SIDT1: variants seen among roughly 807,000 people sequenced by gnomAD.
SIDT1 encodes SID1 transmembrane family member 1, also known as SID1 transmembrane family, member 1.
Under a neutral mutation model 107.5 loss-of-function variants are expected in SIDT1, and 101 were observed. The ratio of observed to expected loss-of-function variants is 0.94; its 90% CI spans 0.80 to 1.11. The LOEUF is 1.11. Among genes scored for constraint, SIDT1 ranks in the 50% least tolerant of loss-of-function variants. The pLI, the probability that SIDT1 is intolerant of heterozygous loss-of-function variation, is 0.00. For synonymous variants in SIDT1, 395 were observed against 398.2 expected, an observed-to-expected ratio of 0.99 and a Z score of 0.10; for missense variants, 1,076 against 1,058.2, an observed-to-expected ratio of 1.02 and a Z score of -0.23.
intron 19 of SIDT1, among the ~76,000 whole-genome samples, chr3:113,614,140 C>T (rs1004710825): frequency 2.6e-5 from 4 of 152,158 alleles, no homozygotes; most frequent in African/African-American, 7.2e-5. Flanking sequence ...GAACAGTGAC[C>T]TTTCATGGAC....
Position 113,585,279 on chromosome 3 carries a change from A to G in SIDT1, c.1001+9A>G, listed in dbSNP as rs762461673. On this transcript the variant is annotated intron_variant, in intron 9 of 24. Transcript: ENST00000264852. ...TTTGTTCATTATCTGAGGTAGGTCAATCTTTTCTAGAAATGTTAATTCCCT... is the reference window on the plus strand; with the variant it reads ...TTTGTTCATTATCTGAGGTAGGTCAGTCTTTTCTAGAAATGTTAATTCCCT... 14 of 1,585,450 alleles carry G rather than the reference A, an allele frequency of 8.8e-6. No homozygotes were observed. The highest frequency in any genetic ancestry group is 2.2e-5 in the East Asian group (1 of 44,724).
At chr3:113,597,080 T>A (rs1391877723) in intron 10 of SIDT1, among the ~76,000 whole-genome samples, 1 of 152,226 alleles carries the variant, frequency 6.6e-6, no homozygotes, top group Admixed American at 6.5e-5. Context: ...CTTGTCCAGC[T>A]TTTTCTTCTA....
chr3:113,604,064 C>T, intron 13 of SIDT1, 31 bp downstream of exon 13: 1 of 1,450,594 alleles, frequency 6.9e-7, no homozygotes, highest in South Asian at 1.2e-5. Flanking sequence ...ACCATGGTTC[C>T]CTTAAATAAA....
At chr3:113,588,923 C>T (rs904526628) in intron 9 of SIDT1, 1 of 152,102 alleles carries the variant, frequency 6.6e-6, no homozygotes, top group Admixed American at 6.6e-5. Context: ...CTGAGAGATC[C>T]CAGGTGGGTG....
chr3:113,605,044 A>G, intron 14 of SIDT1, 68 bp downstream of exon 14: 2 of 1,544,098 alleles, frequency 1.3e-6, no homozygotes, highest in African/African-American at 2.7e-5. Flanking sequence ...CTCCACTGTG[A>G]CTGACAGAGA....
At chr3:113,543,128 A>ACAGGGTTTCACCATTTTGGC (rs1939134918) in intron 1 of SIDT1, among the ~76,000 whole-genome samples, 1 of 152,032 alleles carries the variant, frequency 6.6e-6, no homozygotes, top group Admixed American at 6.5e-5. Flanking sequence ...TTTAGGAGAG[A>ACAGGGTTTCACCATTTTGGC]CAGGGTTTCA....
chr3:113,576,999 T>C, intron 4 of SIDT1, 32 bp downstream of exon 4: 1 of 1,601,768 alleles, frequency 6.2e-7, no homozygotes, highest in Non-Finnish European at 8.6e-7. Flanking sequence ...GTTATCAACA[T>C]CCTACCTGTT....
chr3:113,533,101 A>C lies in SIDT1; in HGVS notation c.80A>C (p.Lys27Thr). ...GCGGCGTCGCCCGGGCACCCGGCGA[A>C]ATCCCCCAGGCAGCCCCCGGCACCG... ...LLAASPGHPA[K>T]SPRQPPAPRR... Residue 27 changes from lysine (K) to threonine (T), a missense_variant, in exon 1 of 25, where the codon AAA becomes ACA. Transcript: ENST00000264852. The C allele has an allele frequency of 6.5e-7, 1 of 1,528,712 alleles. No individual in the cohort carries two copies. Among genetic ancestry groups the C allele is most frequent in the Non-Finnish European group, 8.8e-7 (1 of 1,139,238 alleles). The allele number at this position is 1,528,712 out of a possible 1,614,324, so 94.7% of individuals were successfully genotyped here. A position where few individuals can be genotyped will look rare whatever the true frequency, so the allele number is the denominator to read the frequency against.
At chr3:113,568,188 T>TAA (rs55669843) in intron 3 of SIDT1, among the ~76,000 whole-genome samples, 4 of 151,706 alleles carry the variant, frequency 2.6e-5, no homozygotes, top group Admixed American at 6.6e-5. Context: ...CCCCTGTTTT[T>TAA]AAAAAACTAA....
intron 19 of SIDT1, among the ~76,000 whole-genome samples, chr3:113,613,737 T>C (rs1344463337): frequency 2.0e-5 from 3 of 152,180 alleles, no homozygotes; most frequent in African/African-American, 7.2e-5. Flanking sequence ...GTTGGAAAAA[T>C]AAACTTGAGT....
chr3:113,609,483 CA>C (rs766607729), intron 17 of SIDT1, among the ~76,000 whole-genome samples: 1 of 152,136 alleles, frequency 6.6e-6, no homozygotes, highest in African/African-American at 2.4e-5. Flanking sequence ...TCCCTGGAGC[CA>C]AAGGTGGGAT....
At chr3:113,579,526 A>G (rs772251969) in intron 4 of SIDT1, among the ~76,000 whole-genome samples, 13 of 152,168 alleles carry the variant, frequency 8.5e-5, no homozygotes, top group Non-Finnish European at 1.9e-4. Flanking sequence ...GGGTATTGCC[A>G]TCTGTTATAA....
At chr3:113,612,623 G>A (rs1158281588) in intron 19 of SIDT1, among the ~76,000 whole-genome samples, 1 of 152,184 alleles carries the variant, frequency 6.6e-6, no homozygotes, top group Admixed American at 6.5e-5. Flanking sequence ...TATATTTTCA[G>A]ATTCTAGGGC....
intron 9 of SIDT1, among the ~76,000 whole-genome samples, chr3:113,588,300 T>C (rs1943885698): frequency 6.6e-6 from 1 of 152,226 alleles, no homozygotes; most frequent in Non-Finnish European, 1.5e-5. Flanking sequence ...GTAAGAACTA[T>C]TTGGCATTCT....
In SIDT1 at chr3:113,629,034, G is replaced by A. The variant is rs962987653; in HGVS notation, c.*1326G>A. On this transcript the variant is annotated 3_prime_UTR_variant, in exon 25 of 25. Transcript: ENST00000264852. The stretch of plus-strand genomic sequence containing the variant: ...AGTATGACGTAATCAGAAAATAGAC[G>A]TATAAATGTGCACATGCGTATGTAT... 1 of 152,110 alleles carries A rather than the reference G, an allele frequency of 6.6e-6. No individual in the cohort carries two copies. Among genetic ancestry groups the A allele is most frequent in the Non-Finnish European group, 1.5e-5 (1 of 68,032 alleles). The allele number at this position is 152,110 out of a possible 1,614,324, so 9.4% of individuals were successfully genotyped here.
chr3:113,572,535 A>G lies in SIDT1; in HGVS notation c.516-4387A>G, dbSNP rs1576809547. Among the ~76,000 whole-genome samples, 3 of 152,344 alleles carry G rather than the reference A, an allele frequency of 2.0e-5. No homozygotes were observed. In the East Asian group the frequency reaches 5.8e-4, roughly 29 times the overall value. Reference sequence around the variant, plus strand: ...CAACAGGATAGCATTCAGAGATCTGATTTCTAGAGATGACATGAGTGGCAG... The same window carrying G: ...CAACAGGATAGCATTCAGAGATCTGGTTTCTAGAGATGACATGAGTGGCAG... On this transcript the variant is annotated intron_variant, in intron 3 of 24. Coordinates refer to ENST00000264852, the MANE Select transcript of SIDT1 (RefSeq NM_017699.3).
intron 10 of SIDT1, among the ~76,000 whole-genome samples, chr3:113,599,826 T>C (rs898597805): frequency 6.6e-5 from 10 of 152,244 alleles, no homozygotes; most frequent in East Asian, 1.9e-4. Context: ...AGAATATATA[T>C]AGTTAATAAT....
chr3:113,583,571 C>T, intron 7 of SIDT1, 75 bp downstream of exon 7: 3 of 1,094,202 alleles, frequency 2.7e-6, no homozygotes, highest in Non-Finnish European at 2.7e-6. Context: ...CTGAAACCTC[C>T]TTTCTAGTTC....
chr3:113,627,099 A>G (rs1946910452), intron 24 of SIDT1, among the ~76,000 whole-genome samples: 1 of 152,226 alleles, frequency 6.6e-6, no homozygotes, highest in South Asian at 2.1e-4. Context: ...GTAGTAGTCA[A>G]ATGAACTAGA....
Sources: allele counts gnomAD v4.1 joint callset (sites outside exome capture counted in the v4.1 genomes callset), GRCh38; gene constraint gnomAD v4.1.1; transcripts MANE v1.5; gene names NCBI Gene and HGNC (gene_info 2026-07-23, HGNC 2026-07-21).